Variants in WDFY4 observed in about 807,000 individuals in gnomAD.
The protein encoded by WDFY4 is WDFY family member 4.
WDFY4 carries 169 observed loss-of-function variants against 351.9 expected under a neutral mutation model. The ratio of observed to expected loss-of-function variants is 0.48; its 90% CI spans 0.42 to 0.55. The LOEUF (loss-of-function observed/expected upper bound fraction) is 0.55, where lower values mean the gene tolerates loss of function less well. Among genes scored for constraint, WDFY4 ranks in the 20% least tolerant of loss-of-function variants. WDFY4 has a pLI of 0.00. For synonymous variants in WDFY4, 1,622 were observed against 1,574.6 expected, an observed-to-expected ratio of 1.03 and a Z score of -0.71; for missense variants, 3,803 against 3,935.6, an observed-to-expected ratio of 0.97 and a Z score of 0.90.
At chr10:48,716,150 G>T (rs1025098601) in intron 2 of WDFY4, among the ~76,000 whole-genome samples, 2 of 151,910 alleles carry the variant, frequency 1.3e-5, no homozygotes, top group Non-Finnish European at 2.9e-5. Flanking sequence ...CATCACACTC[G>T]CAGGGAAACT....
At chr10:48,910,120 G>C in intron 47 of WDFY4, 1 of 986,136 alleles carries the variant, frequency 1.0e-6, no homozygotes, top group Non-Finnish European at 1.6e-6. Flanking sequence ...GCTCCGGCGA[G>C]CCTGGTTTCC....
chr10:48,956,339 A>G (rs2077104327), intron 51 of WDFY4, among the ~76,000 whole-genome samples: 1 of 151,964 alleles, frequency 6.6e-6, no homozygotes. Context: ...TGCCCCTTGA[A>G]CCTGAAATTT....
chr10:48,795,750 A>T (rs1247995666), intron 23 of WDFY4, among the ~76,000 whole-genome samples: 1 of 151,590 alleles, frequency 6.6e-6, no homozygotes, highest in African/African-American at 2.4e-5. Context: ...GGGCAGACTG[A>T]CTCGTGTGGG....
intron 40 of WDFY4, among the ~76,000 whole-genome samples, chr10:48,873,155 G>T (rs2069850708): frequency 6.6e-6 from 1 of 152,228 alleles, no homozygotes; most frequent in Admixed American, 6.5e-5. Context: ...TGTCCATTTG[G>T]TAAAATAGCT....
intron 1 of WDFY4, among the ~76,000 whole-genome samples, chr10:48,700,656 C>T (rs1000470350): frequency 6.6e-6 from 1 of 152,250 alleles, no homozygotes; most frequent in South Asian, 2.1e-4. Context: ...CGCACCATGC[C>T]TCCATCTCAT....
chr10:48,958,625 A>T (rs1483523275), intron 52 of WDFY4, among the ~76,000 whole-genome samples: 2 of 151,742 alleles, frequency 1.3e-5, no homozygotes, highest in Non-Finnish European at 2.9e-5. Context: ...GGCACTGGGG[A>T]TTTAGTTGGG....
chr10:48,706,341 A>G (rs534123764), intron 1 of WDFY4, among the ~76,000 whole-genome samples: 1 of 152,288 alleles, frequency 6.6e-6, no homozygotes, highest in East Asian at 1.9e-4. Context: ...AGCCATGAGA[A>G]TAGCTGAGAC....
intron 35 of WDFY4, among the ~76,000 whole-genome samples, chr10:48,824,818 C>A (rs1357691796): frequency 6.6e-6 from 1 of 152,020 alleles, no homozygotes; most frequent in Non-Finnish European, 1.5e-5. Flanking sequence ...TTTTTTTTAA[C>A]TTTTTGGAAA....
At chr10:48,912,008 C>A (rs1299560531) in intron 47 of WDFY4, among the ~76,000 whole-genome samples, 1 of 152,176 alleles carries the variant, frequency 6.6e-6, no homozygotes, top group Non-Finnish European at 1.5e-5. Flanking sequence ...CTTGGTGCTT[C>A]TCATCATCCA....
At chr10:48,739,182 G>T (rs1419278720) in intron 11 of WDFY4, among the ~76,000 whole-genome samples, 3 of 152,152 alleles carry the variant, frequency 2.0e-5, no homozygotes, top group Non-Finnish European at 2.9e-5. Context: ...AAATTATGAG[G>T]AATAACAAAT....
intron 24 of WDFY4, among the ~76,000 whole-genome samples, chr10:48,797,853 T>G (rs954311944): frequency 1.4e-4 from 22 of 152,234 alleles, no homozygotes; most frequent in African/African-American, 5.3e-4. Flanking sequence ...TTTACCAAAC[T>G]TTTGATATCT....
At chr10:48,780,273 C>T (rs1319793110) in intron 19 of WDFY4, among the ~76,000 whole-genome samples, 154 bp downstream of exon 19, 1 of 152,150 alleles carries the variant, frequency 6.6e-6, no homozygotes, top group Non-Finnish European at 1.5e-5. Context: ...CCTTACTGTT[C>T]AGGAAACTTG....
At chr10:48,928,646 A>G (rs1839790552) in intron 47 of WDFY4, among the ~76,000 whole-genome samples, 1 of 152,126 alleles carries the variant, frequency 6.6e-6, no homozygotes, top group South Asian at 2.1e-4. Flanking sequence ...ATCTCCTCAC[A>G]TGGAATTCTT....
At chr10:48,842,945 CA>C (rs2068659094) in intron 39 of WDFY4, among the ~76,000 whole-genome samples, 1 of 152,050 alleles carries the variant, frequency 6.6e-6, no homozygotes, top group African/African-American at 2.4e-5. Flanking sequence ...TGCAGCCTCC[CA>C]AAAAATGGGG....
intron 57 of WDFY4, 132 bp downstream of exon 57, chr10:48,970,421 C>G: frequency 1.6e-6 from 2 of 1,262,932 alleles, no homozygotes; most frequent in Non-Finnish European, 2.1e-6. Flanking sequence ...CACTGAGGGC[C>G]CTGCCACCCT....
chr10:48,923,496 G>A (rs866977989), intron 47 of WDFY4, among the ~76,000 whole-genome samples: 1 of 63,214 alleles, frequency 1.6e-5, no homozygotes, highest in Non-Finnish European at 4.2e-5. Flanking sequence ...ATAGTTTTTA[G>A]TATATATATA....
chr10:48,813,820 A>T (rs2067532874), intron 30 of WDFY4, 137 bp from the exon 31 acceptor site: 1 of 1,077,498 alleles, frequency 9.3e-7, no homozygotes, highest in Non-Finnish European at 1.2e-6. Flanking sequence ...GTTCCTATGG[A>T]TCAACCACCT....
At chr10:48,785,426 C>T (rs1366450874) in intron 19 of WDFY4, among the ~76,000 whole-genome samples, 2 of 152,078 alleles carry the variant, frequency 1.3e-5, no homozygotes, top group Admixed American at 6.5e-5. Flanking sequence ...AGTCCTAGAT[C>T]CTGAAGATAT....
chr10:48,764,794 A>G (rs1435990127), intron 13 of WDFY4, among the ~76,000 whole-genome samples: 1 of 152,264 alleles, frequency 6.6e-6, no homozygotes, highest in Non-Finnish European at 1.5e-5. Flanking sequence ...GACAAACGTC[A>G]CAGGACCTGT....
Sources: allele counts gnomAD v4.1 joint callset (sites outside exome capture counted in the v4.1 genomes callset), GRCh38; gene constraint gnomAD v4.1.1; transcripts MANE v1.5; gene names NCBI Gene and HGNC (gene_info 2026-07-23, HGNC 2026-07-21).